Variants in NXPH1 observed in about 807,000 individuals in gnomAD.
The protein encoded by NXPH1 is neurexophilin-1.
In NXPH1, 5 loss-of-function variants were observed where a neutral mutation model predicts 23.7. The observed-to-expected ratio is 0.21, with a 90% CI of 0.11 to 0.44. The LOEUF is 0.44. Ranked by LOEUF, NXPH1 falls within the 20% of genes least tolerant of loss-of-function variation. NXPH1 has a pLI of 0.99. For synonymous variants in NXPH1, 144 were observed against 122.2 expected (o/e 1.18, Z -1.18); for missense variants, 324 against 321.6 (o/e 1.01, Z -0.06).
intron 2 of NXPH1, among the ~76,000 whole-genome samples, chr7:8,477,265 T>C (rs765112798): frequency 3.3e-5 from 5 of 152,162 alleles, no homozygotes; most frequent in Non-Finnish European, 7.4e-5. Context: ...CTGATATGCT[T>C]GTATACATTG....
rs1011643476 is a variant in NXPH1 at position 8,672,451 on chromosome 7, C to A, written c.55-78557C>A. ...TAACCTGCACATTGTGCACATGTAC[C>A]CTAAAACTTAAAGTATAATAATAAA... On this transcript the variant is annotated intron_variant, in intron 2 of 2. Coordinates refer to ENST00000405863, the MANE Select transcript of NXPH1 (RefSeq NM_152745.3). Among the ~76,000 whole-genome samples the A allele has an allele frequency of 3.3e-5, 5 of 151,504 alleles. No homozygotes were observed. The East Asian group carries it at 7.7e-4, about 23-fold the overall frequency.
chr7:8,745,862 C>T (rs964481061), intron 2 of NXPH1, among the ~76,000 whole-genome samples: 4 of 152,062 alleles, frequency 2.6e-5, no homozygotes, highest in Middle Eastern at 3.4e-3. Context: ...CTACTGTCCC[C>T]GGCCCTGTTC....
intron 2 of NXPH1, among the ~76,000 whole-genome samples, chr7:8,519,496 A>G (rs562803275): frequency 6.6e-6 from 1 of 152,232 alleles, no homozygotes; most frequent in Non-Finnish European, 1.5e-5. Context: ...AGATACACTT[A>G]AACTAAGGGA....
At chr7:8,701,416 C>T (rs1362336229) in intron 2 of NXPH1, among the ~76,000 whole-genome samples, 1 of 152,012 alleles carries the variant, frequency 6.6e-6, no homozygotes, top group African/African-American at 2.4e-5. Context: ...CTGTTCCCTC[C>T]TCTTGCACCT....
intron 2 of NXPH1, among the ~76,000 whole-genome samples, chr7:8,650,689 C>T (rs964951101): frequency 1.3e-5 from 2 of 152,176 alleles, no homozygotes; most frequent in Admixed American, 1.3e-4. Flanking sequence ...CACATGGCAA[C>T]TGTCTCTCAG....
At chr7:8,439,950 T>C (rs1170941248) in intron 2 of NXPH1, among the ~76,000 whole-genome samples, 1 of 152,228 alleles carries the variant, frequency 6.6e-6, no homozygotes, top group East Asian at 1.9e-4. Flanking sequence ...TTTGAGCTTA[T>C]TACTGAAAAT....
At chr7:8,657,175 G>T (rs1485230009) in intron 2 of NXPH1, among the ~76,000 whole-genome samples, 1 of 152,152 alleles carries the variant, frequency 6.6e-6, no homozygotes, top group African/African-American at 2.4e-5. Flanking sequence ...GCTAATAAAA[G>T]CATACAAACA....
intron 2 of NXPH1, among the ~76,000 whole-genome samples, chr7:8,596,802 T>C (rs940361252): frequency 1.3e-5 from 2 of 152,156 alleles, no homozygotes; most frequent in African/African-American, 4.8e-5. Flanking sequence ...GAAGCCTGTG[T>C]TCTGAATCAC....
intron 2 of NXPH1, among the ~76,000 whole-genome samples, chr7:8,649,326 T>TC (rs1047496082): frequency 6.6e-6 from 1 of 151,920 alleles, no homozygotes; most frequent in African/African-American, 2.4e-5. Context: ...TCTTTCCTTT[T>TC]TTTGTATTCA....
At chr7:8,733,206 A>G (rs1022888884) in intron 2 of NXPH1, among the ~76,000 whole-genome samples, 2 of 152,110 alleles carry the variant, frequency 1.3e-5, no homozygotes, top group Admixed American at 1.3e-4. Flanking sequence ...AAGGACATGA[A>G]CTCATCCTTT....
Position 8,751,792 on chromosome 7 carries a change from G to C in NXPH1, c.*23G>C. ...TGAAGGTGAACATGGGGGTGAGACT[G>C]AAGCCTGAGGAATTAAAGGTCATAT... On this transcript the variant is annotated 3_prime_UTR_variant, in exon 3 of 3. Coordinates refer to ENST00000405863, the MANE Select transcript of NXPH1 (RefSeq NM_152745.3). This position sits in a 1 kb window ranked among gnomAD's most constrained non-coding sequence, Gnocchi z 4.5. 6.3e-7 allele frequency: 1 copy of C among 1,580,226 alleles called. No individual in the cohort carries two copies. Among genetic ancestry groups the C allele is most frequent in the East Asian group, 2.2e-5 (1 of 44,534 alleles).
At chr7:8,681,866 G>T (rs899951549) in intron 2 of NXPH1, among the ~76,000 whole-genome samples, 2 of 152,210 alleles carry the variant, frequency 1.3e-5, no homozygotes, top group Admixed American at 1.3e-4. Context: ...GGAGGTTGTA[G>T]AAACTTGTCC....
chr7:8,589,186 A>T (rs1288154544), intron 2 of NXPH1, among the ~76,000 whole-genome samples: 1 of 152,248 alleles, frequency 6.6e-6, no homozygotes, highest in East Asian at 1.9e-4. Flanking sequence ...ATAGGTGAAT[A>T]TTAAAAAATG....
In NXPH1 at chr7:8,443,824, A is replaced by T. The variant is rs532256169; in HGVS notation, c.54+8057A>T. ...GACCCGGGATGGAGCGGCGGGGGGG[A>T]GTTTCTCTTTACTTACCAAACCGCA... On this transcript the variant is annotated intron_variant, in intron 2 of 2. Transcript: ENST00000405863. Among the ~76,000 whole-genome samples the T allele has an allele frequency of 2.8e-3, 416 of 150,910 alleles. 3 individuals carry two copies. Among genetic ancestry groups the T allele is most frequent in the African/African-American group, 9.7e-3 (398 of 41,130 alleles).
intron 2 of NXPH1, among the ~76,000 whole-genome samples, chr7:8,605,474 A>G (rs1200817800): frequency 6.6e-6 from 1 of 152,152 alleles, no homozygotes; most frequent in Non-Finnish European, 1.5e-5. Context: ...TTCTAGGTAC[A>G]TTTATTGCTA....
intron 2 of NXPH1, among the ~76,000 whole-genome samples, chr7:8,456,188 T>C (rs1206006940): frequency 6.6e-6 from 1 of 152,174 alleles, no homozygotes; most frequent in African/African-American, 2.4e-5. Context: ...ATTTTACTGC[T>C]TCCCCATCTA....
At chr7:8,709,306 T>G (rs1170896517) in intron 2 of NXPH1, among the ~76,000 whole-genome samples, 1 of 152,182 alleles carries the variant, frequency 6.6e-6, no homozygotes, top group Non-Finnish European at 1.5e-5. Flanking sequence ...ACATGCTCCC[T>G]TTGCCTTGAT....
rs576954142 is a variant in NXPH1 at position 8,687,574 on chromosome 7, G to A, written c.55-63434G>A. 1.1e-3 allele frequency among the ~76,000 whole-genome samples: 161 copies of A among 152,178 alleles called. 1 individual carries two copies. Among genetic ancestry groups the A allele is most frequent in the Non-Finnish European group, 1.7e-3 (117 of 67,988 alleles). On this transcript the variant is annotated intron_variant, in intron 2 of 2. Coordinates refer to ENST00000405863, the MANE Select transcript of NXPH1 (RefSeq NM_152745.3). The stretch of plus-strand genomic sequence containing the variant: ...CATTTTTGTCCCTGAACATGCATGG[G>A]TACAAAATCAGAAAGAAATGAGCTT...
At chr7:8,489,180 C>A (rs535367986) in intron 2 of NXPH1, among the ~76,000 whole-genome samples, 1 of 152,070 alleles carries the variant, frequency 6.6e-6, no homozygotes, top group Non-Finnish European at 1.5e-5. Context: ...TCTGTCCCCA[C>A]GTGCTGGGGA....
Sources: gnomAD v4.1 joint callset for allele counts (sites outside exome capture counted in the v4.1 genomes callset) on GRCh38, gnomAD v4.1.1 for gene constraint, Gnocchi (gnomAD v3.1) non-coding constraint, MANE v1.5 for transcripts, NCBI Gene and HGNC (gene_info 2026-07-23, HGNC 2026-07-21) for gene names.